ZBED6: variants seen among roughly 807,000 people sequenced by gnomAD.
The protein encoded by ZBED6 is zinc finger BED-type containing 6.
A neutral mutation model predicts 58.4 loss-of-function variants in ZBED6; 40 were observed. The observed-to-expected ratio is 0.68, with a 90% CI of 0.53 to 0.89. The LOEUF is 0.89. Ranked by LOEUF, ZBED6 falls within the 40% of genes least tolerant of loss-of-function variation. The pLI, the probability that ZBED6 is intolerant of heterozygous loss-of-function variation, is 0.00. For missense variants in ZBED6, 1,057 were observed against 1,003.9 expected, an observed-to-expected ratio of 1.05 and a Z score of -0.71; for synonymous variants, 439 against 350.6, an observed-to-expected ratio of 1.25 and a Z score of -2.82.
chr1:203,799,844 T>TA lies in ZBED6; in HGVS notation c.2327dup (p.Asn776LysfsTer12). Reference sequence around the variant, plus strand: ...TGGCTACTTTGTTAGATCCTTGCTTTAAAAACAGTTTGGAAGACTTTTTTC... The same window carrying TA: ...TGGCTACTTTGTTAGATCCTTGCTTTAAAAAACAGTTTGGAAGACTTTTTTC... On this transcript the variant is annotated frameshift_variant, in exon 1 of 17. Transcript: ENST00000550078. LOFTEE classifies it high-confidence loss of function. 6.5e-7 allele frequency: 1 copy of TA among 1,527,202 alleles called. No homozygotes were observed. The highest frequency in any genetic ancestry group is 8.8e-7 in the Non-Finnish European group (1 of 1,138,822). 94.6% of individuals were successfully genotyped at this position (1,527,202 alleles called of 1,614,324 possible).
At chr1:203,837,672 C>A (rs922327350) in intron 9 of ZBED6, among the ~76,000 whole-genome samples, 1 of 152,010 alleles carries the variant, frequency 6.6e-6, no homozygotes, top group Non-Finnish European at 1.5e-5. Context: ...GAGACAAGGT[C>A]TTGCTGTGTT....
chr1:203,840,654 A>C (rs917451376), intron 11 of ZBED6, among the ~76,000 whole-genome samples: 1 of 149,998 alleles, frequency 6.7e-6, no homozygotes, highest in African/African-American at 2.5e-5. Context: ...TATTTTTGAG[A>C]CAGAGTTTTG....
chr1:203,831,354 A>T (rs1260408652), intron 7 of ZBED6, among the ~76,000 whole-genome samples: 1 of 152,104 alleles, frequency 6.6e-6, no homozygotes, highest in African/African-American at 2.4e-5. Flanking sequence ...TGGCTAGTGT[A>T]CCTCTGAGGT....
chr1:203,842,383 G>A (rs1441060628), intron 11 of ZBED6, among the ~76,000 whole-genome samples: 1 of 152,154 alleles, frequency 6.6e-6, no homozygotes, highest in Non-Finnish European at 1.5e-5. Flanking sequence ...GATCACTCGC[G>A]GTCAGGAGCT....
intron 10 of ZBED6, among the ~76,000 whole-genome samples, chr1:203,838,329 A>G (rs952277013): frequency 5.3e-5 from 8 of 152,202 alleles, no homozygotes; most frequent in African/African-American, 1.9e-4. Context: ...TTTGTAACAG[A>G]GAAAAGTACA....
At chr1:203,804,242 C>T (rs1571921344) in intron 1 of ZBED6, among the ~76,000 whole-genome samples, 1 of 151,330 alleles carries the variant, frequency 6.6e-6, no homozygotes. Context: ...AACTCCGCCT[C>T]CCGGGTTCAC....
chr1:203,828,956 G>A (rs1051287204), intron 4 of ZBED6, among the ~76,000 whole-genome samples: 2 of 152,118 alleles, frequency 1.3e-5, no homozygotes, highest in Non-Finnish European at 2.9e-5. Context: ...TATTCCCAAA[G>A]TTCATTTTAA....
At chr1:203,799,565 G>A (rs1669875936) in exon 1 of ZBED6, 2 of 702,910 alleles carry the variant, frequency 2.8e-6, no homozygotes, top group Non-Finnish European at 5.2e-6. Context: ...CCTCCCTTCA[G>A]TGGACTCTAA....
At chr1:203,838,254 C>G (rs1684987056) in intron 10 of ZBED6, among the ~76,000 whole-genome samples, 190 bp downstream of exon 10, 1 of 152,168 alleles carries the variant, frequency 6.6e-6, no homozygotes, top group Non-Finnish European at 1.5e-5. Flanking sequence ...GAAAAAAACA[C>G]CGTCACACTC....
At position 203,797,242 on chromosome 1, in the gene ZBED6, TCTTA is replaced by T. The variant is rs1668845569; in HGVS notation, c.-277_-274del. 4.5e-6 allele frequency: 1 copy of T among 220,294 alleles called. No individual in the cohort carries two copies. The highest frequency in any genetic ancestry group is 8.9e-6 in the Non-Finnish European group (1 of 112,442). The allele number at this position is 220,294 out of a possible 1,614,324, so 13.6% of individuals were successfully genotyped here. A position where few individuals can be genotyped will look rare whatever the true frequency, so the allele number is the denominator to read the frequency against. On this transcript the variant is annotated 5_prime_UTR_variant, in exon 1 of 17. It introduces an in-frame stop codon into an upstream open reading frame of the 5' UTR. Coordinates refer to ENST00000550078, the Ensembl canonical transcript of ZBED6. Reference sequence around the variant, plus strand: ...TGACTCTGGGAAAGGGGGACTCAGTTCTTACTTCTGTAACATGAGGACACTGGAC... The same window carrying T: ...TGACTCTGGGAAAGGGGGACTCAGTTCTTCTGTAACATGAGGACACTGGAC...
chr1:203,821,205 T>C (rs1678557385), intron 3 of ZBED6, among the ~76,000 whole-genome samples: 1 of 152,160 alleles, frequency 6.6e-6, no homozygotes, highest in African/African-American at 2.4e-5. Flanking sequence ...CGCGCTCTCT[T>C]GCTGCCATGT....
chr1:203,802,387 G>A (rs1259684451), exon 1 of ZBED6: 4 of 152,378 alleles, frequency 2.6e-5, no homozygotes, highest in African/African-American at 7.3e-5. Context: ...CATTTTAAAA[G>A]GGGAAACTTA....
intron 1 of ZBED6, among the ~76,000 whole-genome samples, chr1:203,806,452 C>G (rs553554682): frequency 6.3e-4 from 96 of 152,236 alleles, no homozygotes; most frequent in African/African-American, 2.3e-3. Flanking sequence ...TAGGCATCTG[C>G]CATCATGCCC....
chr1:203,797,064 A>G (rs1433359349), exon 1 of ZBED6: 1 of 153,370 alleles, frequency 6.5e-6, no homozygotes, highest in Admixed American at 6.5e-5. Flanking sequence ...TTTCAGAATT[A>G]AGGGAAATTG....
exon 1 of ZBED6, chr1:203,800,051 T>A: frequency 6.5e-7 from 1 of 1,536,114 alleles, no homozygotes; most frequent in East Asian, 2.4e-5. Flanking sequence ...CAGGTTCTGT[T>A]GATAGCTCAG....
chr1:203,851,210 T>C (rs1291933146), intron 16 of ZBED6, 86 bp downstream of exon 16: 38 of 1,200,106 alleles, frequency 3.2e-5, no homozygotes, highest in Admixed American at 4.5e-5. Context: ...TAAATAACTT[T>C]AGCAACATTC....
At chr1:203,823,935 T>C (rs1679625272) in intron 3 of ZBED6, among the ~76,000 whole-genome samples, 1 of 151,966 alleles carries the variant, frequency 6.6e-6, no homozygotes, top group Non-Finnish European at 1.5e-5. Flanking sequence ...GGATATATTG[T>C]CAAGTGAAAA....
At chr1:203,843,065 T>C (rs535724040) in intron 11 of ZBED6, among the ~76,000 whole-genome samples, 2 of 152,180 alleles carry the variant, frequency 1.3e-5, no homozygotes, top group Non-Finnish European at 2.9e-5. Flanking sequence ...GTTAAAGTTA[T>C]ATTAGCATCA....
exon 1 of ZBED6, chr1:203,799,070 C>T: frequency 1.3e-6 from 2 of 1,536,124 alleles, no homozygotes; most frequent in Non-Finnish European, 1.7e-6. Flanking sequence ...ATGGCAGGAT[C>T]CCCGATTTTA....
Sources: allele counts gnomAD v4.1 joint callset (sites outside exome capture counted in the v4.1 genomes callset), GRCh38; gene constraint gnomAD v4.1.1; transcripts MANE v1.5; gene names NCBI Gene and HGNC (gene_info 2026-07-23, HGNC 2026-07-21).